Variants in XKR4 observed in about 807,000 individuals in gnomAD.
XKR4 encodes the protein XK related 4, also known as XK-related protein 4.
A neutral mutation model predicts 53.9 loss-of-function variants in XKR4; 12 were observed. That is an observed-to-expected ratio of 0.22 (90% CI 0.14 to 0.36). The LOEUF (loss-of-function observed/expected upper bound fraction) is 0.36, where lower values mean the gene tolerates loss of function less well. Among genes scored for constraint, XKR4 ranks in the 10% least tolerant of loss-of-function variants. XKR4 has a pLI of 1.00. For missense variants in XKR4, 799 were observed against 859.5 expected (o/e 0.93, Z 0.88); for synonymous variants, 354 against 362.4 (o/e 0.98, Z 0.26).
intron 2 of XKR4, among the ~76,000 whole-genome samples, chr8:55,370,551 T>G (rs1804057063): frequency 6.6e-6 from 1 of 152,172 alleles, no homozygotes; most frequent in Non-Finnish European, 1.5e-5. Flanking sequence ...AGACATAAGC[T>G]CCTCAAAACA....
In XKR4 at chr8:55,275,344, T is replaced by A. The variant is rs556533150; in HGVS notation, c.807-82334T>A. Among the ~76,000 whole-genome samples, 14 of 152,348 alleles carry A rather than the reference T, an allele frequency of 9.2e-5. No individual in the cohort carries two copies. In the East Asian group the frequency reaches 2.7e-3, roughly 29 times the overall value. On this transcript the variant is annotated intron_variant, in intron 1 of 2. Transcript: ENST00000327381. ...TAATAGATATAAGGAATAATTTAGC[T>A]AATATAGTTGAAACAAAAGGGAATA... is the stretch of plus-strand genomic sequence containing the variant.
At chr8:55,462,897 A>G (rs1182073724) in intron 2 of XKR4, among the ~76,000 whole-genome samples, 1 of 152,232 alleles carries the variant, frequency 6.6e-6, no homozygotes, top group Admixed American at 6.5e-5. Context: ...CATAATGGTA[A>G]AGGGATCAAT....
At chr8:55,253,370 A>G (rs543302567) in intron 1 of XKR4, among the ~76,000 whole-genome samples, 1 of 152,350 alleles carries the variant, frequency 6.6e-6, no homozygotes, top group South Asian at 2.1e-4. Context: ...ATTTATCTAC[A>G]TAGATGGCAG....
rs115625461 is a variant in XKR4, at chr8:55,162,303, T to G, written c.806+59009T>G. 2.8e-3 allele frequency among the ~76,000 whole-genome samples: 432 copies of G among 152,318 alleles called. 4 individuals carry two copies. The highest frequency in any genetic ancestry group is 9.7e-3 in the African/African-American group (402 of 41,568). On this transcript the variant is annotated intron_variant, in intron 1 of 2. Coordinates refer to ENST00000327381, the MANE Select transcript of XKR4 (RefSeq NM_052898.2). Reference sequence around the variant, plus strand: ...TCTCTGTGTCCTTGACATCCAGCACTGTCCAGCACTGTGCAGAGTAGCAGC... The same window carrying G: ...TCTCTGTGTCCTTGACATCCAGCACGGTCCAGCACTGTGCAGAGTAGCAGC...
At chr8:55,179,487 G>A (rs1366412753) in intron 1 of XKR4, among the ~76,000 whole-genome samples, 1 of 152,132 alleles carries the variant, frequency 6.6e-6, no homozygotes, top group Non-Finnish European at 1.5e-5. Context: ...GTGCTGGGCC[G>A]TTGATCATTA....
chr8:55,273,625 C>T (rs1818723871), intron 1 of XKR4, among the ~76,000 whole-genome samples: 1 of 152,192 alleles, frequency 6.6e-6, no homozygotes, highest in Non-Finnish European at 1.5e-5. Context: ...TAAACTGGCT[C>T]ATCCAATCTT....
At position 55,383,692 on chromosome 8, in the gene XKR4, C is replaced by T. The variant is rs200881461; in HGVS notation, c.1006+25815C>T. Among the ~76,000 whole-genome samples, 8 of 152,032 alleles carry T rather than the reference C, an allele frequency of 5.3e-5. No individual in the cohort carries two copies. In the East Asian group the frequency reaches 1.4e-3, roughly 26 times the overall value. On this transcript the variant is annotated intron_variant, in intron 2 of 2. Coordinates refer to ENST00000327381, the MANE Select transcript of XKR4 (RefSeq NM_052898.2). ...GTTCATGTATTAATTTCATTTAATCCTCCCAGTGGCCTTTAAAGTTCCATT... is the reference window on the plus strand; with the variant it reads ...GTTCATGTATTAATTTCATTTAATCTTCCCAGTGGCCTTTAAAGTTCCATT...
chr8:55,520,380 G>C (rs1806781089), intron 2 of XKR4, among the ~76,000 whole-genome samples: 1 of 152,234 alleles, frequency 6.6e-6, no homozygotes, highest in Admixed American at 6.5e-5. Context: ...GAAGCAAGGA[G>C]TTCGAGACCA....
At chr8:55,419,116 G>A (rs1413604256) in intron 2 of XKR4, among the ~76,000 whole-genome samples, 1 of 152,110 alleles carries the variant, frequency 6.6e-6, no homozygotes, top group African/African-American at 2.4e-5. Context: ...CAGGCACGGT[G>A]GCTCACGGCT....
At chr8:55,495,298 C>G (rs1377016981) in intron 2 of XKR4, among the ~76,000 whole-genome samples, 2 of 152,156 alleles carry the variant, frequency 1.3e-5, no homozygotes, top group East Asian at 3.9e-4. Context: ...TCCTGGACCC[C>G]CAAGAGCACA....
chr8:55,432,291 T>C (rs1174716453), intron 2 of XKR4, among the ~76,000 whole-genome samples: 1 of 152,234 alleles, frequency 6.6e-6, no homozygotes, highest in African/African-American at 2.4e-5. Context: ...TTAACCTCTC[T>C]GCATTTGTCT....
In XKR4 at chr8:55,266,687, G is replaced by T. The variant is rs538685559; in HGVS notation, c.807-90991G>T. On this transcript the variant is annotated intron_variant, in intron 1 of 2. Transcript: ENST00000327381. ...GTGATTTTCTGGACGGCATGGCTGT[G>T]TTTTGCTGTTAAAGAATTAAGAAGG... 7.9e-5 allele frequency among the ~76,000 whole-genome samples: 12 copies of T among 152,282 alleles called. No homozygotes were observed. In the East Asian group the frequency reaches 2.1e-3, roughly 27 times the overall value.
At chr8:55,244,702 T>C (rs933562726) in intron 1 of XKR4, among the ~76,000 whole-genome samples, 4 of 152,202 alleles carry the variant, frequency 2.6e-5, no homozygotes, top group African/African-American at 9.6e-5. Context: ...GCATTCCCTT[T>C]TCTCCGCAAT....
At chr8:55,218,381 A>G (rs917094289) in intron 1 of XKR4, among the ~76,000 whole-genome samples, 5 of 152,224 alleles carry the variant, frequency 3.3e-5, no homozygotes, top group Admixed American at 6.5e-5. Flanking sequence ...TTCTTTATGA[A>G]ACATAGTATG....
chr8:55,347,247 G>T (rs1803662460), intron 1 of XKR4, among the ~76,000 whole-genome samples: 2 of 152,208 alleles, frequency 1.3e-5, no homozygotes, highest in South Asian at 4.1e-4. Flanking sequence ...TTGAGTCCAT[G>T]GTGCTGTTTA....
At chr8:55,264,178 C>A (rs960417631) in intron 1 of XKR4, among the ~76,000 whole-genome samples, 4 of 152,160 alleles carry the variant, frequency 2.6e-5, no homozygotes, top group African/African-American at 9.7e-5. Flanking sequence ...GGCTCTTCCC[C>A]TGCATGTCAT....
intron 2 of XKR4, chr8:55,451,030 G>A (rs915495056): frequency 1.3e-5 from 7 of 552,298 alleles, no homozygotes; most frequent in Middle Eastern, 3.5e-4. Context: ...TTCACCTGCC[G>A]CGCCTGGAAT....
chr8:55,324,881 C>T (rs1803270525), intron 1 of XKR4, among the ~76,000 whole-genome samples: 1 of 152,178 alleles, frequency 6.6e-6, no homozygotes. Context: ...CCTTCCCTTC[C>T]CATATCAAAC....
At position 55,168,140 on chromosome 8, in the gene XKR4, A is replaced by C. The variant is rs375506569; in HGVS notation, c.806+64846A>C. 5.6e-4 allele frequency among the ~76,000 whole-genome samples: 85 copies of C among 152,334 alleles called. No homozygotes were observed. In the South Asian group the frequency reaches 0.017, roughly 30 times the overall value. ...AATCGTACAGAAAGTCTGTTGTTCTAAATGATAGTCCAGTGAAATATTTAT... is the reference window on the plus strand; with the variant it reads ...AATCGTACAGAAAGTCTGTTGTTCTCAATGATAGTCCAGTGAAATATTTAT... On this transcript the variant is annotated intron_variant, in intron 1 of 2. Coordinates refer to ENST00000327381, the MANE Select transcript of XKR4 (RefSeq NM_052898.2).
Sources: gnomAD v4.1 joint callset for allele counts (sites outside exome capture counted in the v4.1 genomes callset) on GRCh38, gnomAD v4.1.1 for gene constraint, MANE v1.5 for transcripts, NCBI Gene and HGNC (gene_info 2026-07-23, HGNC 2026-07-21) for gene names.